The following C14orf39 variants were observed in gnomAD, a reference collection of about 807,000 sequenced individuals.
C14orf39 encodes chromosome 14 open reading frame 39.
A neutral mutation model predicts 85.6 loss-of-function variants in C14orf39; 66 were observed. The observed-to-expected ratio is 0.77, with a 90% confidence interval of 0.63 to 0.95. C14orf39 has a LOEUF of 0.95. Among genes scored for constraint, C14orf39 ranks in the 40% least tolerant of loss-of-function variants. The pLI is 0.00. For missense variants in C14orf39, 735 were observed against 663.9 expected (o/e 1.11, Z -1.18); for synonymous variants, 242 against 214.0 (o/e 1.13, Z -1.14).
In C14orf39 at chr14:60,436,741, T is replaced by C; in HGVS notation, c.*104A>G. 12 of 741,128 alleles carry C rather than the reference T, an allele frequency of 1.6e-5. No homozygotes were observed. The highest frequency in any genetic ancestry group is 4.5e-6 in the Non-Finnish European group (2 of 446,106). 45.9% of individuals were successfully genotyped at this position (741,128 alleles called of 1,614,324 possible). A position where few individuals can be genotyped will look rare whatever the true frequency, so the allele number is the denominator to read the frequency against. On this transcript the variant is annotated 3_prime_UTR_variant, in exon 18 of 18. Transcript: ENST00000321731. ...AATCAAATAATGTAAACATTACTGC[T>C]TTAATCAATAAAAGAAAGCAGTCTT...
chr14:60,504,216 A>G (rs1444225654), intron 1 of C14orf39, among the ~76,000 whole-genome samples: 4 of 152,254 alleles, frequency 2.6e-5, no homozygotes, highest in Non-Finnish European at 5.9e-5. Context: ...GCAATATTTA[A>G]TAAGCACTTT....
intron 1 of C14orf39, among the ~76,000 whole-genome samples, chr14:60,503,995 C>G (rs1893175426): frequency 6.6e-6 from 1 of 152,124 alleles, no homozygotes; most frequent in Admixed American, 6.5e-5. Flanking sequence ...ATTGTGGGGT[C>G]TGGGGGACCA....
chr14:60,442,517 T>C (rs1283377862), intron 16 of C14orf39, among the ~76,000 whole-genome samples: 1 of 152,180 alleles, frequency 6.6e-6, no homozygotes, highest in African/African-American at 2.4e-5. Flanking sequence ...CAAAAGTCTA[T>C]TTTATCAGTA....
intron 1 of C14orf39, among the ~76,000 whole-genome samples, chr14:60,501,289 G>A (rs943846257): frequency 8.2e-6 from 1 of 122,672 alleles, no homozygotes; most frequent in South Asian, 2.5e-4. Context: ...CTGGGCAACA[G>A]AGCAAGACCC....
At chr14:60,442,274 A>T (rs1363022613) in intron 16 of C14orf39, 143 bp from the exon 17 acceptor site, 1 of 478,502 alleles carries the variant, frequency 2.1e-6, no homozygotes, top group Admixed American at 3.7e-5. Context: ...ACACTCTTAT[A>T]CTTAAAAAGA....
At chr14:60,480,021 G>A (rs1892564676) in intron 4 of C14orf39, among the ~76,000 whole-genome samples, 1 of 152,116 alleles carries the variant, frequency 6.6e-6, no homozygotes, top group African/African-American at 2.4e-5. Flanking sequence ...GATACAAATG[G>A]CCAACAGATA....
intron 9 of C14orf39, among the ~76,000 whole-genome samples, chr14:60,467,828 T>G (rs1008239599): frequency 2.0e-5 from 3 of 151,618 alleles, no homozygotes; most frequent in Non-Finnish European, 4.4e-5. Context: ...GGAAAGGAGT[T>G]TCAGAAGAAT....
chr14:60,510,229 G>A (rs867527931), intron 1 of C14orf39, among the ~76,000 whole-genome samples: 4 of 152,302 alleles, frequency 2.6e-5, no homozygotes, highest in Middle Eastern at 3.4e-3. Context: ...GCTTCACTGG[G>A]ACGGAGAGGG....
chr14:60,461,099 G>A (rs979865040), intron 13 of C14orf39, among the ~76,000 whole-genome samples: 17 of 151,762 alleles, frequency 1.1e-4, no homozygotes, highest in Non-Finnish European at 2.2e-4. Context: ...AGAAAAAAAT[G>A]GTATGCACCA....
chr14:60,481,909 G>A (rs1457926335), intron 4 of C14orf39, among the ~76,000 whole-genome samples: 3 of 151,802 alleles, frequency 2.0e-5, no homozygotes, highest in African/African-American at 4.8e-5. Flanking sequence ...TCATTATAGG[G>A]TATTTTTCTT....
intron 4 of C14orf39, among the ~76,000 whole-genome samples, chr14:60,481,382 C>T (rs1005325461): frequency 2.0e-5 from 3 of 152,194 alleles, no homozygotes; most frequent in South Asian, 2.1e-4. Context: ...TTGGGCCAGG[C>T]GCAGTGGCTC....
chr14:60,496,208 G>A, intron 2 of C14orf39: 1 of 424,492 alleles, frequency 2.4e-6, no homozygotes, highest in Non-Finnish European at 4.8e-6. Context: ...ATGTTCATCT[G>A]AATTCAGATC....
At chr14:60,449,508 T>A (rs17097435) in intron 16 of C14orf39, among the ~76,000 whole-genome samples, 4,999 of 152,210 alleles carry the variant, frequency 0.033, 281 homozygotes, top group African/African-American at 0.11. Flanking sequence ...ATCATGCCCT[T>A]TATTACTCTA....
At chr14:60,489,207 T>G (rs759106223), upstream of C14orf39, among the ~76,000 whole-genome samples, 108 of 152,348 alleles carry the variant, frequency 7.1e-4, no homozygotes, top group Non-Finnish European at 1.2e-3. Context: ...TAAATAATTA[T>G]TCACAAAGTC....
At chr14:60,451,367 C>T (rs1891026801) in intron 16 of C14orf39, among the ~76,000 whole-genome samples, 1 of 152,092 alleles carries the variant, frequency 6.6e-6, no homozygotes, top group South Asian at 2.1e-4. Context: ...ATAAATCATG[C>T]TACTATAAAG....
chr14:60,470,883 T>C (rs1892042494), intron 7 of C14orf39, among the ~76,000 whole-genome samples: 1 of 151,936 alleles, frequency 6.6e-6, no homozygotes, highest in South Asian at 2.1e-4. Context: ...AAGATCTCTC[T>C]GACAAACAGG....
intron 9 of C14orf39, 66 bp from the exon 10 acceptor site, chr14:60,467,110 A>G: frequency 1.2e-6 from 1 of 801,688 alleles, no homozygotes; most frequent in Non-Finnish European, 1.7e-6. Flanking sequence ...TAAAGCTAGG[A>G]GGCATATTTA....
intron 16 of C14orf39, among the ~76,000 whole-genome samples, chr14:60,446,447 A>G (rs1449454351): frequency 2.0e-5 from 3 of 152,262 alleles, no homozygotes; most frequent in Admixed American, 6.5e-5. Flanking sequence ...TAGAAAATTT[A>G]GAAGAAATGC....
chr14:60,511,384 CG>C (rs1209259880), intron 1 of C14orf39: 10 of 1,151,954 alleles, frequency 8.7e-6, no homozygotes, highest in Middle Eastern at 2.3e-4. Context: ...CCCGCGGGCT[CG>C]GGTTGCCGTT....
Sources: gnomAD v4.1 joint callset for allele counts (sites outside exome capture counted in the v4.1 genomes callset) on GRCh38, gnomAD v4.1.1 for gene constraint, MANE v1.5 for transcripts, NCBI Gene and HGNC (gene_info 2026-07-23, HGNC 2026-07-21) for gene names.